Variants in TBX15 observed in about 807,000 individuals in gnomAD.
The protein encoded by TBX15 is T-box transcription factor 15.
In TBX15, 18 loss-of-function variants were observed where a neutral mutation model predicts 53.9. The ratio of observed to expected loss-of-function variants is 0.33; its 90% CI spans 0.23 to 0.49. The LOEUF is 0.49. Ranked by LOEUF, TBX15 falls within the 20% of genes least tolerant of loss-of-function variation. TBX15 has a pLI of 0.98. For missense variants in TBX15, 692 were observed against 749.5 expected (o/e 0.92, Z 0.90); for synonymous variants, 295 against 278.0 (o/e 1.06, Z -0.61).
chr1:118,912,869 G>A (rs1655066732), intron 6 of TBX15, among the ~76,000 whole-genome samples: 1 of 152,136 alleles, frequency 6.6e-6, no homozygotes, highest in East Asian at 1.9e-4. Context: ...ACAAGTAGTT[G>A]CTTGACCAAA....
At chr1:118,971,377 T>C (rs1381149930) in intron 1 of TBX15, among the ~76,000 whole-genome samples, 1 of 152,140 alleles carries the variant, frequency 6.6e-6, no homozygotes. Context: ...GGCTCCAGGA[T>C]CATCTTGAAG....
Position 118,931,678 on chromosome 1 carries a change from A to G in TBX15, c.360T>C (p.Ala120=). The stretch of plus-strand genomic sequence containing the variant: ...TATCATGGAACCGCTTCCAGAGGTC[A>G]GCACATTGCAGCTCCACCTGAATCT... ...MEEIQVELQC[A]DLWKRFHDIG... is the part of the protein sequence containing the mutation. Residue 120 remains alanine, a synonymous_variant, in exon 2 of 8, where the codon GCT becomes GCC. Coordinates refer to ENST00000369429, the MANE Select transcript of TBX15 (RefSeq NM_001330677.2). 1.9e-6 allele frequency: 3 copies of G among 1,614,128 alleles called. No homozygotes were observed. Among genetic ancestry groups the G allele is most frequent in the Non-Finnish European group, 2.5e-6 (3 of 1,179,970 alleles).
intron 1 of TBX15, 100 bp from the exon 2 acceptor site, chr1:118,931,932 G>A (rs1655802128): frequency 1.0e-5 from 12 of 1,179,750 alleles, no homozygotes; most frequent in Non-Finnish European, 1.4e-5. Context: ...AGTGGGGAGA[G>A]GGGTAAACAA....
chr1:118,890,165 G>T (rs1042673725), intron 7 of TBX15, among the ~76,000 whole-genome samples: 6 of 152,172 alleles, frequency 3.9e-5, no homozygotes, highest in African/African-American at 1.4e-4. Flanking sequence ...CCAGGTAGCA[G>T]CTAAGGCCCT....
chr1:118,922,556 C>T (rs1655458079), intron 5 of TBX15, among the ~76,000 whole-genome samples: 1 of 152,178 alleles, frequency 6.6e-6, no homozygotes, highest in Admixed American at 6.5e-5. Flanking sequence ...TAATACCACA[C>T]AATGTCAGTG....
chr1:118,907,748 C>T (rs1396003547), intron 6 of TBX15, among the ~76,000 whole-genome samples: 1 of 152,102 alleles, frequency 6.6e-6, no homozygotes, highest in Non-Finnish European at 1.5e-5. Context: ...TGCAGGTTCC[C>T]CATTGGGGTG....
intron 7 of TBX15, among the ~76,000 whole-genome samples, chr1:118,896,685 A>G (rs1557874371): frequency 6.6e-6 from 1 of 152,182 alleles, no homozygotes. Context: ...TGCAGTTTCC[A>G]CTAGAAGCTC....
chr1:118,895,885 C>T (rs1038650854), intron 7 of TBX15, among the ~76,000 whole-genome samples: 3 of 152,096 alleles, frequency 2.0e-5, no homozygotes, highest in Non-Finnish European at 4.4e-5. Flanking sequence ...AATAATGTAA[C>T]CTGGTGGAAA....
Position 118,898,479 on chromosome 1 carries a change from G to A in TBX15, c.1024+549C>T, listed in dbSNP as rs149035288. On this transcript the variant is annotated intron_variant, in intron 7 of 7. Coordinates refer to ENST00000369429, the MANE Select transcript of TBX15 (RefSeq NM_001330677.2). ...AAAAGCACAAAGTTCAAAGCAGTAG[G>A]GGGGAAAGTCTACTTATTCCACCAA... 5.9e-5 allele frequency among the ~76,000 whole-genome samples: 9 copies of A among 152,206 alleles called. No individual in the cohort carries two copies. The East Asian group carries it at 1.2e-3, about 20-fold the overall frequency.
At chr1:118,922,140 G>C (rs1024313861) in intron 5 of TBX15, among the ~76,000 whole-genome samples, 2 of 152,204 alleles carry the variant, frequency 1.3e-5, no homozygotes, top group African/African-American at 2.4e-5. Context: ...CCAGGGATTA[G>C]AGGCTTGTTA....
At chr1:118,939,869 A>T (rs1453931060) in intron 1 of TBX15, among the ~76,000 whole-genome samples, 2 of 151,902 alleles carry the variant, frequency 1.3e-5, no homozygotes, top group Non-Finnish European at 2.9e-5. Context: ...CACTTTATGT[A>T]CGTTATTATC....
chr1:118,918,045 C>T lies in TBX15; in HGVS notation c.862-3866G>A, dbSNP rs184580513. 9.9e-5 allele frequency among the ~76,000 whole-genome samples: 15 copies of T among 152,276 alleles called. 1 individual carries two copies. The highest frequency in any genetic ancestry group is 2.6e-4 in the Admixed American group (4 of 15,298). ...TTGCTCTACAACCAAATTTGAAATG[C>T]TCATTTCTCTACTTTGCACATAGCT... On this transcript the variant is annotated intron_variant, in intron 5 of 7. Transcript: ENST00000369429.
Position 118,900,497 on chromosome 1 carries a change from A to G in TBX15, c.927-1372T>C, listed in dbSNP as rs114168436. Reference sequence around the variant, plus strand: ...GTGTTGGAAAATTTCCTCTCTGAACAGGCCTCACTTGCACAGTTAACTTTC... The same window carrying G: ...GTGTTGGAAAATTTCCTCTCTGAACGGGCCTCACTTGCACAGTTAACTTTC... On this transcript the variant is annotated intron_variant, in intron 6 of 7. Transcript: ENST00000369429. Among the ~76,000 whole-genome samples the G allele has an allele frequency of 7.9e-4, 121 of 152,342 alleles. 1 individual carries two copies. Among genetic ancestry groups the G allele is most frequent in the Non-Finnish European group, 1.4e-3 (97 of 68,016 alleles).
At chr1:118,946,887 C>T (rs1416300289) in intron 1 of TBX15, among the ~76,000 whole-genome samples, 1 of 152,164 alleles carries the variant, frequency 6.6e-6, no homozygotes, top group Non-Finnish European at 1.5e-5. Flanking sequence ...GCTGCTTTTA[C>T]TCTGGTTCTC....
intron 1 of TBX15, among the ~76,000 whole-genome samples, chr1:118,936,385 C>T (rs1026661473): frequency 6.6e-5 from 10 of 152,106 alleles, no homozygotes; most frequent in Non-Finnish European, 4.4e-5. Context: ...CTCCACTTAA[C>T]AGTTAATTTT....
chr1:118,954,875 A>G (rs1045053846), intron 1 of TBX15, among the ~76,000 whole-genome samples: 17 of 152,260 alleles, frequency 1.1e-4, no homozygotes, highest in South Asian at 6.2e-4. Flanking sequence ...CTTGTTGAGC[A>G]TACCCCTCAA....
intron 1 of TBX15, among the ~76,000 whole-genome samples, chr1:118,938,990 A>C (rs1656056336): frequency 6.6e-6 from 1 of 152,182 alleles, no homozygotes. Flanking sequence ...TATCAATAGT[A>C]GATTGGATAA....
Position 118,884,616 on chromosome 1 carries a change from A to T in TBX15, c.*116T>A. 1 of 1,316,786 alleles carries T rather than the reference A, an allele frequency of 7.6e-7. No individual in the cohort carries two copies. The highest frequency in any genetic ancestry group is 1.0e-6 in the Non-Finnish European group (1 of 965,504). 81.6% of individuals were successfully genotyped at this position (1,316,786 alleles called of 1,614,324 possible). On this transcript the variant is annotated 3_prime_UTR_variant, in exon 8 of 8. Coordinates refer to ENST00000369429, the MANE Select transcript of TBX15 (RefSeq NM_001330677.2). ...TATGTCTTCGGCCAGAAAAAAAAAA[A>T]AAAAAAAAACACGGTTCCTGTTTTT...
At position 118,884,595 on chromosome 1, in the gene TBX15, T is replaced by C. The variant is rs1300682214; in HGVS notation, c.*137A>G. 2 of 1,083,458 alleles carry C rather than the reference T, an allele frequency of 1.8e-6. No homozygotes were observed. The highest frequency in any genetic ancestry group is 2.6e-6 in the Non-Finnish European group (2 of 769,764). 67.1% of individuals were successfully genotyped at this position (1,083,458 alleles called of 1,614,324 possible). ...GGTATCTCTTGTTCTTGGGTATATG[T>C]CTTCGGCCAGAAAAAAAAAAAAAAA... On this transcript the variant is annotated 3_prime_UTR_variant, in exon 8 of 8. Transcript: ENST00000369429.
Sources: gnomAD v4.1 joint callset for allele counts (sites outside exome capture counted in the v4.1 genomes callset) on GRCh38, gnomAD v4.1.1 for gene constraint, MANE v1.5 for transcripts, NCBI Gene and HGNC (gene_info 2026-07-23, HGNC 2026-07-21) for gene names.